The following GINS2 variants were observed in gnomAD, a reference collection of about 807,000 sequenced individuals.
GINS2 encodes GINS complex subunit 2, also known as DNA replication complex GINS protein PSF2.
A neutral mutation model predicts 21.2 loss-of-function variants in GINS2; 23 were observed. The observed-to-expected ratio is 1.08, with a 90% CI of 0.78 to 1.53. The LOEUF is 1.53. Among genes scored for constraint, GINS2 ranks in the 40% most tolerant of loss-of-function variants. The pLI is 0.00. For synonymous variants in GINS2, 118 were observed against 85.6 expected (o/e 1.38, Z -2.09); for missense variants, 323 against 233.9 (o/e 1.38, Z -2.49).
intron 2 of GINS2, among the ~76,000 whole-genome samples, chr16:85,687,065 G>A (rs1331560389): frequency 4.6e-5 from 7 of 152,128 alleles, no homozygotes; most frequent in African/African-American, 1.7e-4. Flanking sequence ...CTACAAAAAC[G>A]CAAAAATTTG....
Position 85,678,685 on chromosome 16 carries a change from A to C in GINS2, c.306-19T>G, listed in dbSNP as rs2053707227. On this transcript the variant is annotated intron_variant, in intron 3 of 4. Coordinates refer to ENST00000253462, the MANE Select transcript of GINS2 (RefSeq NM_016095.3). ...TGAAGCACTAAAGGAGCAAGGGCTA[A>C]AGTCAGTCGGGGAACACTTGATAAC... 2 of 1,611,012 alleles carry C rather than the reference A, an allele frequency of 1.2e-6. No homozygotes were observed. The highest frequency in any genetic ancestry group is 1.7e-6 in the Non-Finnish European group (2 of 1,178,208).
chr16:85,686,928 C>T (rs1466282556), intron 2 of GINS2, among the ~76,000 whole-genome samples: 3 of 152,206 alleles, frequency 2.0e-5, no homozygotes, highest in East Asian at 3.8e-4. Context: ...ATTGAAATAT[C>T]TTACATTAAA....
In GINS2 at chr16:85,680,329, G is replaced by A. The variant is rs573534468; in HGVS notation, c.305+1253C>T. Among the ~76,000 whole-genome samples the A allele has an allele frequency of 8.9e-4, 135 of 152,332 alleles. 1 individual carries two copies. The highest frequency in any genetic ancestry group is 3.4e-3 in the Middle Eastern group (1 of 294). ...TAAATTCAGCAGCGCCATTCAGTGG[G>A]CTCCCAGCCCTTCCTGCTGCTCTGC... On this transcript the variant is annotated intron_variant, in intron 3 of 4. Coordinates refer to ENST00000253462, the MANE Select transcript of GINS2 (RefSeq NM_016095.3).
chr16:85,682,478 T>C (rs1395495451), intron 2 of GINS2, among the ~76,000 whole-genome samples: 1 of 144,566 alleles, frequency 6.9e-6, no homozygotes, highest in Non-Finnish European at 1.5e-5. Context: ...CTGGGCGTGA[T>C]ACAATATCCT....
chr16:85,684,195 G>A (rs1338197681), intron 2 of GINS2, among the ~76,000 whole-genome samples: 1 of 152,166 alleles, frequency 6.6e-6, no homozygotes, highest in Non-Finnish European at 1.5e-5. Context: ...TTAGCTGAAT[G>A]TGATGGTATA....
chr16:85,687,297 A>G (rs1175538040), intron 2 of GINS2, among the ~76,000 whole-genome samples, 163 bp downstream of exon 2: 2 of 152,278 alleles, frequency 1.3e-5, no homozygotes, highest in East Asian at 3.8e-4. Flanking sequence ...CTCTGCTGAG[A>G]GGTGAATCTG....
rs972937660 is a variant in GINS2 at position 85,677,026 on chromosome 16, G to C, written c.*1186C>G. On this transcript the variant is annotated 3_prime_UTR_variant, in exon 5 of 5. Coordinates refer to ENST00000253462, the MANE Select transcript of GINS2 (RefSeq NM_016095.3). ...ACTATAGGCGTGTGCCACCACACCT[G>C]GCAAATTTTTTTTTTTTTGTATTTT... is the stretch of plus-strand genomic sequence containing the variant. The C allele has an allele frequency of 7.1e-6, 1 of 141,780 alleles. No homozygotes were observed. Among genetic ancestry groups the C allele is most frequent in the African/African-American group, 2.5e-5 (1 of 39,380 alleles). 8.8% of individuals were successfully genotyped at this position (141,780 alleles called of 1,614,324 possible).
At chr16:85,682,548 T>C (rs1224784491) in intron 2 of GINS2, among the ~76,000 whole-genome samples, 9 of 145,026 alleles carry the variant, frequency 6.2e-5, no homozygotes, top group Non-Finnish European at 1.1e-4. Flanking sequence ...TAAGCCACCC[T>C]GGCCTGGGCG....
intron 2 of GINS2, among the ~76,000 whole-genome samples, chr16:85,682,018 C>T (rs528433722): frequency 4.4e-5 from 6 of 136,006 alleles, no homozygotes; most frequent in Non-Finnish European, 6.1e-5. Context: ...TTACCTTTAC[C>T]GCCTTTTTTT....
chr16:85,681,677 C>T lies in GINS2; in HGVS notation c.210G>A (p.Lys70=). The T allele has an allele frequency of 6.3e-7, 1 of 1,595,050 alleles. No homozygotes were observed. Among genetic ancestry groups the T allele is most frequent in the Non-Finnish European group, 8.6e-7 (1 of 1,163,316 alleles). ...GTTCATGATCCCTCATCTTCTCCAA[C>T]TTTTCTGAAATTTAGAAGTTAATAC... ...LLPPEWMDVE[K]LEKMRDHERK... Residue 70 remains lysine (K), a synonymous_variant, in exon 3 of 5, where the codon AAG becomes AAA. Transcript: ENST00000253462.
intron 2 of GINS2, among the ~76,000 whole-genome samples, chr16:85,684,806 G>C (rs1385240022): frequency 6.6e-6 from 1 of 150,982 alleles, no homozygotes; most frequent in Non-Finnish European, 1.5e-5. Flanking sequence ...TTGTTTTCCT[G>C]AGATGGAGTC....
chr16:85,678,245 C>G lies in GINS2; in HGVS notation c.525G>C (p.Gln175His). The change falls in exon 5 of 5, where the codon CAG becomes CAC. Residue 175 changes from glutamine (Q) to histidine (H), a missense_variant. By Grantham distance (24) the Gln-to-His change is conservative (BLOSUM62 0). Coordinates refer to ENST00000253462, the MANE Select transcript of GINS2 (RefSeq NM_016095.3). ...CCTGAGACTGAGTACTCTCCAGAGG[C>G]TGGAGGTTCGTGCGGAGTTTGTACA... ...NHMYKLRTNL[Q>H]PLESTQSQDF 9 of 1,613,728 alleles carry G rather than the reference C, an allele frequency of 5.6e-6. No individual in the cohort carries two copies. Among genetic ancestry groups the G allele is most frequent in the Non-Finnish European group, 7.6e-6 (9 of 1,179,822 alleles).
Position 85,677,622 on chromosome 16 carries a change from TCA to T in GINS2, c.*588_*589del, listed in dbSNP as rs1196759012. 6.6e-6 allele frequency: 1 copy of T among 152,314 alleles called. No individual in the cohort carries two copies. The highest frequency in any genetic ancestry group is 1.5e-5 in the Non-Finnish European group (1 of 68,126). 9.4% of individuals were successfully genotyped at this position (152,314 alleles called of 1,614,324 possible). A position where few individuals can be genotyped will look rare whatever the true frequency, so the allele number is the denominator to read the frequency against. On this transcript the variant is annotated 3_prime_UTR_variant, in exon 5 of 5. Coordinates refer to ENST00000253462, the MANE Select transcript of GINS2 (RefSeq NM_016095.3). ...TGACTGAGTCATCTCAGCCACAGGC[TCA>T]GTCCTTTTACTTGGTAGTTACGCAG...
At chr16:85,685,191 G>A (rs2053764377) in intron 2 of GINS2, among the ~76,000 whole-genome samples, 1 of 152,178 alleles carries the variant, frequency 6.6e-6, no homozygotes, top group Non-Finnish European at 1.5e-5. Context: ...CCCACAATAT[G>A]GCTCCAGCCC....
At chr16:85,687,636 G>T in intron 1 of GINS2, 62 bp from the exon 2 acceptor site, 2 of 924,652 alleles carry the variant, frequency 2.2e-6, no homozygotes, top group Non-Finnish European at 3.2e-6. Flanking sequence ...ATTACTGTGC[G>T]TTACTGCTAT....
At chr16:85,680,743 G>A (rs1056600528) in intron 3 of GINS2, among the ~76,000 whole-genome samples, 15 of 152,358 alleles carry the variant, frequency 9.8e-5, no homozygotes, top group Middle Eastern at 6.8e-3. Context: ...CAGGGGCAGG[G>A]AAAGGACAGA....
At chr16:85,678,719 A>G in intron 3 of GINS2, 53 bp from the exon 4 acceptor site, 1 of 1,576,148 alleles carries the variant, frequency 6.3e-7, no homozygotes, top group South Asian at 1.1e-5. Context: ...ACCTGAGGCA[A>G]TGCTGGATAG....
chr16:85,678,106 C>A lies in GINS2; in HGVS notation c.*106G>T. 1.0e-6 allele frequency: 1 copy of A among 960,626 alleles called. No individual in the cohort carries two copies. Among genetic ancestry groups the A allele is most frequent in the South Asian group, 1.6e-5 (1 of 63,254 alleles). The allele number at this position is 960,626 out of a possible 1,614,324, so 59.5% of individuals were successfully genotyped here. On this transcript the variant is annotated 3_prime_UTR_variant, in exon 5 of 5. Transcript: ENST00000253462. Reference sequence around the variant, plus strand: ...TGAATCCATTCCTTGCACCATCACACATTTTTCATGCATCAGAAGTGTTTC... The same window carrying A: ...TGAATCCATTCCTTGCACCATCACAAATTTTTCATGCATCAGAAGTGTTTC...
chr16:85,681,770 G>A, intron 2 of GINS2, 89 bp from the exon 3 acceptor site: 1 of 739,728 alleles, frequency 1.4e-6, no homozygotes, highest in Admixed American at 2.6e-5. Context: ...TATATTATCT[G>A]GCAAATACAT....
Sources: allele counts gnomAD v4.1 joint callset (sites outside exome capture counted in the v4.1 genomes callset), GRCh38; gene constraint gnomAD v4.1.1; transcripts MANE v1.5; gene names NCBI Gene and HGNC (gene_info 2026-07-23, HGNC 2026-07-21).